ARID4B: variants seen among roughly 807,000 people sequenced by gnomAD.
The protein encoded by ARID4B is AT-rich interaction domain 4B.
In ARID4B, 26 loss-of-function variants were observed where a neutral mutation model predicts 147.5. That is an observed-to-expected ratio of 0.18 (90% CI 0.13 to 0.24). The LOEUF (loss-of-function observed/expected upper bound fraction) is 0.24, where lower values mean the gene tolerates loss of function less well. Ranked by LOEUF, ARID4B falls within the 10% of genes least tolerant of loss-of-function variation. The pLI is 1.00. For missense variants in ARID4B, 1,179 were observed against 1,511.5 expected (o/e 0.78, Z 3.65); for synonymous variants, 512 against 507.9 (o/e 1.01, Z -0.11).
Position 235,238,858 on chromosome 1 carries a change from G to GA in ARID4B, c.585+1454_585+1455insT, listed in dbSNP as rs1668795838. ...TAACGGAGTAAGCCTCTGTCTCCGGGGAAAAAAAAAAAAAGTGGATCTCAC... is the reference window on the plus strand; with the variant it reads ...TAACGGAGTAAGCCTCTGTCTCCGGGAGAAAAAAAAAAAAAGTGGATCTCAC... On this transcript the variant is annotated intron_variant, in intron 8 of 23. Transcript: ENST00000264183. Among the ~76,000 whole-genome samples the GA allele has an allele frequency of 5.4e-4, 79 of 146,122 alleles. 1 individual carries two copies. Among genetic ancestry groups the GA allele is most frequent in the Admixed American group, 1.2e-3 (18 of 14,752 alleles).
intron 2 of ARID4B, among the ~76,000 whole-genome samples, chr1:235,314,167 C>A (rs1329524026): frequency 6.6e-6 from 1 of 152,094 alleles, no homozygotes; most frequent in African/African-American, 2.4e-5. Context: ...AAACTGCCTA[C>A]ACTCTGGTAA....
chr1:235,229,499 A>T (rs897536382), intron 10 of ARID4B, 114 bp from the exon 11 acceptor site: 4 of 724,658 alleles, frequency 5.5e-6, no homozygotes, highest in Non-Finnish European at 9.1e-6. Flanking sequence ...ACTGACATTT[A>T]TTGTTTGCTA....
At chr1:235,216,424 T>C (rs565176113) in intron 16 of ARID4B, among the ~76,000 whole-genome samples, 34 of 152,190 alleles carry the variant, frequency 2.2e-4, no homozygotes, top group African/African-American at 8.2e-4. Flanking sequence ...CTCAGCTCAC[T>C]GCAACCTCCG....
intron 5 of ARID4B, 29 bp downstream of exon 5, chr1:235,255,631 C>T (rs774359038): frequency 1.4e-6 from 2 of 1,457,692 alleles, no homozygotes; most frequent in Non-Finnish European, 1.9e-6. Context: ...ACTAAAAACA[C>T]ATTTTTAAAA....
intron 2 of ARID4B, among the ~76,000 whole-genome samples, chr1:235,282,260 T>C (rs933212441): frequency 6.6e-6 from 1 of 152,226 alleles, no homozygotes; most frequent in African/African-American, 2.4e-5. Flanking sequence ...TTCAAAGTTT[T>C]TACATGGTCT....
chr1:235,309,535 G>A (rs1220519358), intron 2 of ARID4B, among the ~76,000 whole-genome samples: 8 of 147,644 alleles, frequency 5.4e-5, no homozygotes, highest in East Asian at 2.1e-4. Context: ...CAGCCGCCCC[G>A]TCCGGGAGGG....
At chr1:235,223,710 A>G (rs554871196) in intron 12 of ARID4B, among the ~76,000 whole-genome samples, 1 of 131,844 alleles carries the variant, frequency 7.6e-6, no homozygotes, top group South Asian at 2.7e-4. Flanking sequence ...TCATTCTAAC[A>G]CAAGAAAACG....
chr1:235,252,338 AT>A (rs1320455905), intron 6 of ARID4B, among the ~76,000 whole-genome samples: 1 of 152,208 alleles, frequency 6.6e-6, no homozygotes, highest in Non-Finnish European at 1.5e-5. Context: ...GCATAATAAT[AT>A]CAGCTAATAG....
At chr1:235,220,027 TG>T in intron 15 of ARID4B, 59 bp from the exon 16 acceptor site, 2 of 1,172,832 alleles carry the variant, frequency 1.7e-6, no homozygotes, top group East Asian at 2.7e-5. Flanking sequence ...CCTATATCCA[TG>T]GTTTATCTCT....
intron 2 of ARID4B, among the ~76,000 whole-genome samples, chr1:235,320,626 G>T (rs1270428291): frequency 1.3e-5 from 2 of 152,132 alleles, no homozygotes; most frequent in Admixed American, 1.3e-4. Flanking sequence ...AACACATTCA[G>T]ATTTTACTCA....
intron 2 of ARID4B, among the ~76,000 whole-genome samples, chr1:235,263,970 G>C (rs1670447474): frequency 6.6e-6 from 1 of 151,634 alleles, no homozygotes; most frequent in Non-Finnish European, 1.5e-5. Context: ...CTCCAGCCTG[G>C]GTGACAGAGC....
chr1:235,201,229 A>G (rs1215685575), intron 17 of ARID4B, among the ~76,000 whole-genome samples: 2 of 152,220 alleles, frequency 1.3e-5, no homozygotes, highest in Admixed American at 6.5e-5. Context: ...GCTAAGAAAT[A>G]GAAGGCCATA....
chr1:235,190,235 G>T (rs1284710565), intron 19 of ARID4B: 1 of 152,166 alleles, frequency 6.6e-6, no homozygotes, highest in Non-Finnish European at 1.5e-5. Flanking sequence ...ATCACTTGAG[G>T]TCAGCAGTTC....
chr1:235,238,774 G>A (rs564492068), intron 8 of ARID4B, among the ~76,000 whole-genome samples: 1 of 151,972 alleles, frequency 6.6e-6, no homozygotes, highest in South Asian at 2.1e-4. Context: ...GAGAATTGTT[G>A]AGCCCAGGAG....
chr1:235,235,410 G>A (rs1445887454), intron 8 of ARID4B, among the ~76,000 whole-genome samples: 7 of 152,152 alleles, frequency 4.6e-5, no homozygotes, highest in African/African-American at 1.7e-4. Flanking sequence ...TGGGGCTTGT[G>A]AGCCAAATCC....
At chr1:235,294,810 A>G (rs756049131) in intron 2 of ARID4B, among the ~76,000 whole-genome samples, 1 of 151,594 alleles carries the variant, frequency 6.6e-6, no homozygotes, top group Non-Finnish European at 1.5e-5. Flanking sequence ...CACCGTGCCC[A>G]GCCATATCTT....
At chr1:235,209,145 A>C (rs983064627) in intron 17 of ARID4B, among the ~76,000 whole-genome samples, 3 of 152,252 alleles carry the variant, frequency 2.0e-5, no homozygotes, top group African/African-American at 7.2e-5. Context: ...CAACATTTTC[A>C]GCTGTGAAAT....
At chr1:235,238,695 A>C (rs1668780518) in intron 8 of ARID4B, among the ~76,000 whole-genome samples, 1 of 152,116 alleles carries the variant, frequency 6.6e-6, no homozygotes, top group Non-Finnish European at 1.5e-5. Context: ...GTATTTACAA[A>C]GTATTTAAAA....
intron 15 of ARID4B, 80 bp from the exon 16 acceptor site, chr1:235,220,048 G>A (rs748814915): frequency 7.4e-6 from 7 of 950,936 alleles, no homozygotes; most frequent in Non-Finnish European, 1.0e-5. Context: ...TTAGCAACAG[G>A]AGGTATCAAC....
Sources: allele counts gnomAD v4.1 joint callset (sites outside exome capture counted in the v4.1 genomes callset), GRCh38; gene constraint gnomAD v4.1.1; transcripts MANE v1.5; gene names NCBI Gene and HGNC (gene_info 2026-07-23, HGNC 2026-07-21).